The following NT5C2 variants were observed in gnomAD, a reference collection of about 807,000 sequenced individuals.
The protein encoded by NT5C2 is 5'-nucleotidase, cytosolic II, also known as cytosolic purine 5'-nucleotidase.
NT5C2 carries 58 observed loss-of-function variants against 76.1 expected under a neutral mutation model. That is an observed-to-expected ratio of 0.76 (90% CI 0.62 to 0.95). The LOEUF (loss-of-function observed/expected upper bound fraction) is 0.95. NT5C2 is among the 40% of genes least tolerant of loss of function. The probability of loss-of-function intolerance (pLI) is 0.00; values close to 1 mark genes in which losing one functional copy is unlikely to be tolerated. For synonymous variants in NT5C2, 229 were observed against 237.4 expected (o/e 0.96, Z 0.32); for missense variants, 478 against 690.3 (o/e 0.69, Z 3.45).
chr10:103,174,113 A>AT, intron 3 of NT5C2, among the ~76,000 whole-genome samples: 1 of 150,860 alleles, frequency 6.6e-6, no homozygotes, highest in African/African-American at 2.4e-5. Flanking sequence ...AAAAAAAAAA[A>AT]AATTCATTCT....
chr10:103,141,188 G>A (rs1252768661), intron 3 of NT5C2, among the ~76,000 whole-genome samples: 2 of 152,178 alleles, frequency 1.3e-5, no homozygotes, highest in Admixed American at 6.5e-5. Flanking sequence ...TGGGAGCAGT[G>A]GCTCACACCT....
chr10:103,170,113 C>T lies in NT5C2; in HGVS notation c.101+4745G>A, dbSNP rs1045276825. On this transcript the variant is annotated intron_variant, in intron 3 of 18. Transcript: ENST00000404739. ...CTGCACCCCAACCTGGGCTACAGAGCGAGACTCTGTCTCAAAAAAAATTAA... is the reference window on the plus strand; with the variant it reads ...CTGCACCCCAACCTGGGCTACAGAGTGAGACTCTGTCTCAAAAAAAATTAA... 3.9e-5 allele frequency among the ~76,000 whole-genome samples: 6 copies of T among 151,988 alleles called. No individual in the cohort carries two copies. In the South Asian group the frequency reaches 6.2e-4, roughly 16 times the overall value.
intron 1 of NT5C2, among the ~76,000 whole-genome samples, chr10:103,192,846 G>A (rs1357009979): frequency 1.3e-5 from 2 of 152,204 alleles, no homozygotes; most frequent in African/African-American, 2.4e-5. Flanking sequence ...TGAGGAAAGG[G>A]CTACCACCAG....
intron 3 of NT5C2, among the ~76,000 whole-genome samples, chr10:103,162,178 G>A (rs1384343077): frequency 1.3e-5 from 2 of 151,880 alleles, no homozygotes; most frequent in Non-Finnish European, 2.9e-5. Flanking sequence ...ACCACGCCCA[G>A]CAAATTTTTG....
chr10:103,125,948 A>G (rs2076568470), intron 4 of NT5C2, among the ~76,000 whole-genome samples: 1 of 152,220 alleles, frequency 6.6e-6, no homozygotes, highest in African/African-American at 2.4e-5. Flanking sequence ...TCCCAGGTCC[A>G]AAGACCTAAT....
Position 103,155,295 on chromosome 10 carries a change from ACT to A in NT5C2, c.102-15818_102-15817del, listed in dbSNP as rs536643328. Among the ~76,000 whole-genome samples the A allele has an allele frequency of 1.6e-3, 249 of 152,362 alleles. 1 individual carries two copies. The highest frequency in any genetic ancestry group is 2.5e-3 in the Non-Finnish European group (170 of 68,024). ...CTGAGTCTTAGAGATAGGATGAGAT[ACT>A]GTTTTTTAAAAACTGACACTGTGCT... On this transcript the variant is annotated intron_variant, in intron 3 of 18. Coordinates refer to ENST00000404739, the MANE Select transcript of NT5C2 (RefSeq NM_001351169.2).
In NT5C2 at chr10:103,089,933, CAGAA is replaced by C. The variant is rs1484958018; in HGVS notation, c.1450-29_1450-26del. On this transcript the variant is annotated intron_variant, in intron 18 of 18. Transcript: ENST00000404739. ...TCTAGACAGAAAAAAGCTAGAGGCT[CAGAA>C]AGCAGGCAGAGCAAAGTAGCTACTC... The C allele has an allele frequency of 2.6e-6, 4 of 1,558,184 alleles. No homozygotes were observed. In the South Asian group the frequency reaches 3.6e-5, roughly 14 times the overall value.
At chr10:103,172,224 T>A (rs2088296521) in intron 3 of NT5C2, among the ~76,000 whole-genome samples, 1 of 151,478 alleles carries the variant, frequency 6.6e-6, no homozygotes, top group Non-Finnish European at 1.5e-5. Context: ...AAAACAAAAA[T>A]TTAAATACAA....
At chr10:103,163,235 A>C (rs2134179214) in intron 3 of NT5C2, among the ~76,000 whole-genome samples, 1 of 152,338 alleles carries the variant, frequency 6.6e-6, no homozygotes, top group African/African-American at 2.4e-5. Context: ...TTATAAACAG[A>C]GATACTATAA....
At chr10:103,186,357 C>T (rs1010704412) in intron 1 of NT5C2, among the ~76,000 whole-genome samples, 1 of 152,192 alleles carries the variant, frequency 6.6e-6, no homozygotes, top group Non-Finnish European at 1.5e-5. Context: ...AGCCTTAGCA[C>T]AATACAGTAC....
At position 103,141,158 on chromosome 10, in the gene NT5C2, T is replaced by C. The variant is rs564896886; in HGVS notation, c.102-1679A>G. On this transcript the variant is annotated intron_variant, in intron 3 of 18. Coordinates refer to ENST00000404739, the MANE Select transcript of NT5C2 (RefSeq NM_001351169.2). Reference sequence around the variant, plus strand: ...ATTTAAATACCAATATTAAAATCCATAATAAAAATTATTCAAGGTTGGGAG... The same window carrying C: ...ATTTAAATACCAATATTAAAATCCACAATAAAAATTATTCAAGGTTGGGAG... Among the ~76,000 whole-genome samples the C allele has an allele frequency of 2.6e-5, 4 of 152,308 alleles. No individual in the cohort carries two copies. In the East Asian group the frequency reaches 7.7e-4, roughly 29 times the overall value.
chr10:103,115,594 A>ACTATTCATCTAT (rs1338237562), intron 4 of NT5C2, among the ~76,000 whole-genome samples: 1 of 152,230 alleles, frequency 6.6e-6, no homozygotes, highest in African/African-American at 2.4e-5. Context: ...TCTATCACTT[A>ACTATTCATCTAT]CCATGTAATG....
At chr10:103,146,217 C>T (rs188772662) in intron 3 of NT5C2, 69 of 985,238 alleles carry the variant, frequency 7.0e-5, no homozygotes, top group Non-Finnish European at 8.2e-5. Flanking sequence ...GGAGAAAACA[C>T]CTCTGTGTTT....
intron 2 of NT5C2, among the ~76,000 whole-genome samples, chr10:103,177,872 G>A (rs1285613789): frequency 6.6e-6 from 1 of 152,134 alleles, no homozygotes; most frequent in Non-Finnish European, 1.5e-5. Flanking sequence ...ACTCCTTTTA[G>A]TGTCAAAATA....
At chr10:103,105,829 A>C in intron 5 of NT5C2, 28 bp from the exon 6 acceptor site, 1 of 1,428,600 alleles carries the variant, frequency 7.0e-7, no homozygotes, top group Non-Finnish European at 9.9e-7. Context: ...CATTATTGAT[A>C]ATGCAAAGTA....
chr10:103,133,356 C>T (rs2078595277), intron 4 of NT5C2, among the ~76,000 whole-genome samples: 2 of 152,164 alleles, frequency 1.3e-5, no homozygotes, highest in African/African-American at 4.8e-5. Context: ...CAATCTCCAC[C>T]TCCCGGGTTC....
Position 103,105,581 on chromosome 10 carries a change from G to A in NT5C2, c.389+125C>T, listed in dbSNP as rs968854091. The A allele has an allele frequency of 7.5e-6, 5 of 666,838 alleles. No homozygotes were observed. The Admixed American group carries it at 1.4e-4, about 19-fold the overall frequency. The allele number at this position is 666,838 out of a possible 1,614,324, so 41.3% of individuals were successfully genotyped here. On this transcript the variant is annotated intron_variant, in intron 6 of 18. Transcript: ENST00000404739. ...ATAAATAACTGTTAACTAACCTTAT[G>A]TAAGGGAATTTGCTCTTTAATGATG...
intron 3 of NT5C2, among the ~76,000 whole-genome samples, chr10:103,160,714 G>T (rs1458778538): frequency 6.6e-6 from 1 of 152,056 alleles, no homozygotes; most frequent in Non-Finnish European, 1.5e-5. Context: ...CACTCACATG[G>T]CTATAATTAA....
At chr10:103,113,381 A>G (rs2073538458) in intron 4 of NT5C2, among the ~76,000 whole-genome samples, 1 of 152,192 alleles carries the variant, frequency 6.6e-6, no homozygotes, top group Non-Finnish European at 1.5e-5. Context: ...AATATCTTGT[A>G]TTTTCAGTAC....
Sources: gnomAD v4.1 joint callset for allele counts (sites outside exome capture counted in the v4.1 genomes callset) on GRCh38, gnomAD v4.1.1 for gene constraint, MANE v1.5 for transcripts, NCBI Gene and HGNC (gene_info 2026-07-23, HGNC 2026-07-21) for gene names.